The following HDLBP variants were observed in gnomAD, a reference collection of about 807,000 sequenced individuals.
HDLBP encodes high density lipoprotein binding protein, also known as vigilin.
HDLBP carries 30 observed loss-of-function variants against 137.3 expected under a neutral mutation model. That is an observed-to-expected ratio of 0.22 (90% CI 0.16 to 0.30). HDLBP has a LOEUF of 0.30. Among genes scored for constraint, HDLBP ranks in the 10% least tolerant of loss-of-function variants. HDLBP has a pLI of 1.00. For missense variants in HDLBP, 1,119 were observed against 1,667.3 expected (o/e 0.67, Z 5.73); for synonymous variants, 606 against 596.0 (o/e 1.02, Z -0.24).
intron 1 of HDLBP, among the ~76,000 whole-genome samples, chr2:241,311,570 A>C (rs2075759146): frequency 6.6e-6 from 1 of 152,218 alleles, no homozygotes; most frequent in South Asian, 2.1e-4. Flanking sequence ...TAGGAATACT[A>C]ATTTTCTTCA....
rs1005244232 is a variant in HDLBP at position 241,233,621 on chromosome 2, C to G, written c.3288+199G>C. 6.6e-5 allele frequency among the ~76,000 whole-genome samples: 10 copies of G among 152,138 alleles called. No individual in the cohort carries two copies. Among genetic ancestry groups the G allele is most frequent in the African/African-American group, 2.4e-4 (10 of 41,414 alleles). On this transcript the variant is annotated intron_variant, in intron 24 of 27. Coordinates refer to ENST00000310931, the MANE Select transcript of HDLBP (RefSeq NM_005336.6). The surrounding 1 kb of genome is among the most constrained non-coding windows in gnomAD (Gnocchi z 4.3). ...AAAATGCTCCAGGCCCCAGATGATA[C>G]ATAGTGCCAGAGACCTCACCCATCT... is the stretch of plus-strand genomic sequence containing the variant.
At chr2:241,247,302 T>C (rs1654747415) in intron 14 of HDLBP, 160 bp from the exon 15 acceptor site, 1 of 617,428 alleles carries the variant, frequency 1.6e-6, no homozygotes, top group African/African-American at 1.8e-5. Context: ...AGATCATTTG[T>C]CCAACAACTA....
intron 8 of HDLBP, 72 bp from the exon 9 acceptor site, chr2:241,255,230 A>ACCTGGGGC: frequency 6.7e-7 from 1 of 1,491,182 alleles, no homozygotes; most frequent in Admixed American, 1.7e-5. Flanking sequence ...CAGGCTGCTC[A>ACCTGGGGC]CCTGGGGCTC....
At chr2:241,291,291 C>T (rs535178465) in intron 1 of HDLBP, among the ~76,000 whole-genome samples, 5 of 152,148 alleles carry the variant, frequency 3.3e-5, no homozygotes, top group African/African-American at 4.8e-5. Flanking sequence ...AGAAACATGA[C>T]TGACTCTAGG....
Position 241,233,791 on chromosome 2 carries a change from C to T in HDLBP, c.3288+29G>A, listed in dbSNP as rs769530644. 4 of 1,613,586 alleles carry T rather than the reference C, an allele frequency of 2.5e-6. No homozygotes were observed. The highest frequency in any genetic ancestry group is 1.7e-5 in the Admixed American group (1 of 60,024). ...AGGAAAGGTCAACAAGCACCTCTGC[C>T]CCCGACACGCTCCAACCGAGGCTCT... is the stretch of plus-strand genomic sequence containing the variant. On this transcript the variant is annotated intron_variant, in intron 24 of 27. Transcript: ENST00000310931. This position sits in a 1 kb window ranked among gnomAD's most constrained non-coding sequence, Gnocchi z 4.3.
intron 1 of HDLBP, among the ~76,000 whole-genome samples, chr2:241,293,473 T>C (rs956166110): frequency 6.6e-6 from 1 of 151,622 alleles, no homozygotes; most frequent in African/African-American, 2.4e-5. Context: ...ACTCCCAGCC[T>C]GGGTGGCACG....
intron 22 of HDLBP, 93 bp from the exon 23 acceptor site, chr2:241,235,348 G>T: frequency 6.5e-7 from 1 of 1,533,600 alleles, no homozygotes; most frequent in Non-Finnish European, 8.9e-7. Flanking sequence ...GAGAGGGAAG[G>T]CCACCCGCCG....
At chr2:241,242,784 G>C in intron 16 of HDLBP, 106 bp from the exon 17 acceptor site, 1 of 980,238 alleles carries the variant, frequency 1.0e-6, no homozygotes, top group Non-Finnish European at 1.6e-6. Context: ...CGCAGGCCTA[G>C]AGCCCTGGAG....
Position 241,230,768 on chromosome 2 carries a change from G to T in HDLBP, c.3465C>A (p.Asp1155Glu). 1 of 1,614,008 alleles carries T rather than the reference G, an allele frequency of 6.2e-7. No homozygotes were observed. Among genetic ancestry groups the T allele is most frequent in the Non-Finnish European group, 8.5e-7 (1 of 1,179,980 alleles). Residue 1155 changes from aspartate to glutamate, a missense_variant, in exon 25 of 28, where the codon GAC (aspartate) becomes GAA (glutamate). Coordinates refer to ENST00000310931, the MANE Select transcript of HDLBP (RefSeq NM_005336.6). This position sits in a 1 kb window ranked among gnomAD's most constrained non-coding sequence, Gnocchi z 5.0. ...CTTCCAGCCGGCTCACCTTGAATTCGTCCATGATTTTGCGAATGGCTTTGC... is the reference window on the plus strand; with the variant it reads ...CTTCCAGCCGGCTCACCTTGAATTCTTCCATGATTTTGCGAATGGCTTTGC... ...ARGKAIRKIM[D>E]EFKVDIRFPQ...
At chr2:241,303,280 C>T (rs1021956407) in intron 1 of HDLBP, among the ~76,000 whole-genome samples, 3 of 152,176 alleles carry the variant, frequency 2.0e-5, no homozygotes, top group Admixed American at 6.5e-5. Context: ...CCAGGAGCCC[C>T]AGATGGTGCA....
At chr2:241,261,443 A>G (rs2073173677) in intron 5 of HDLBP, among the ~76,000 whole-genome samples, 1 of 152,228 alleles carries the variant, frequency 6.6e-6, no homozygotes, top group Non-Finnish European at 1.5e-5. Flanking sequence ...ATATGTATAC[A>G]TGAAAACGGG....
intron 5 of HDLBP, among the ~76,000 whole-genome samples, chr2:241,259,766 C>T (rs1019617993): frequency 6.6e-6 from 1 of 152,084 alleles, no homozygotes; most frequent in Non-Finnish European, 1.5e-5. Flanking sequence ...TGAGAGTCAC[C>T]GCCTGCTTTT....
At chr2:241,275,203 AT>A (rs2149597104) in intron 1 of HDLBP, among the ~76,000 whole-genome samples, 1 of 152,286 alleles carries the variant, frequency 6.6e-6, no homozygotes, top group South Asian at 2.1e-4. Context: ...TCAGGAAAGA[AT>A]AAACCTCATA....
At chr2:241,313,215 T>G (rs2075804626) in intron 1 of HDLBP, among the ~76,000 whole-genome samples, 1 of 152,244 alleles carries the variant, frequency 6.6e-6, no homozygotes, top group Non-Finnish European at 1.5e-5. Context: ...GTAATTACTC[T>G]TCTACAAATA....
At position 241,230,958 on chromosome 2, in the gene HDLBP, A is replaced by T. The variant is rs1207302594; in HGVS notation, c.3289-14T>A. The T allele has an allele frequency of 6.2e-7, 1 of 1,609,542 alleles. No individual in the cohort carries two copies. Among genetic ancestry groups the T allele is most frequent in the Non-Finnish European group, 8.5e-7 (1 of 1,176,020 alleles). ...TTGGTCCTGGGGCTAAAAAAGGAGA[A>T]TGTAGTCAGAAAAGGGGATGCCTTA... On this transcript the variant is annotated splice_polypyrimidine_tract_variant and intron_variant, in intron 24 of 27. Coordinates refer to ENST00000310931, the MANE Select transcript of HDLBP (RefSeq NM_005336.6). This position sits in a 1 kb window ranked among gnomAD's most constrained non-coding sequence, Gnocchi z 5.0.
In HDLBP at chr2:241,240,492, G is replaced by A. The variant is rs2071098617; in HGVS notation, c.2170-370C>T. 6.6e-6 allele frequency among the ~76,000 whole-genome samples: 1 copy of A among 151,618 alleles called. No homozygotes were observed. Among genetic ancestry groups the A allele is most frequent in the South Asian group, 2.1e-4 (1 of 4,826 alleles). The stretch of plus-strand genomic sequence containing the variant: ...TGGCGGAGTGCACGTCCTGGGGAGC[G>A]TGGGGTGTGCCCAGCAGAGCAGGAA... On this transcript the variant is annotated intron_variant, in intron 17 of 27. Transcript: ENST00000310931. The surrounding 1 kb of genome is among the most constrained non-coding windows in gnomAD (Gnocchi z 5.5).
rs779914720 is a variant in HDLBP at position 241,252,818 on chromosome 2, G to A, written c.1372+139C>T. On this transcript the variant is annotated intron_variant, in intron 11 of 27. Coordinates refer to ENST00000310931, the MANE Select transcript of HDLBP (RefSeq NM_005336.6). ...AAGTGGCCTCTTCCAGCAGGCAGGA[G>A]GATGTAAAGTCTGTAACTCCCATTA... The A allele has an allele frequency of 3.1e-5, 18 of 576,844 alleles. No individual in the cohort carries two copies. The East Asian group carries it at 4.6e-4, about 15-fold the overall frequency. The allele number at this position is 576,844 out of a possible 1,614,324, so 35.7% of individuals were successfully genotyped here.
chr2:241,238,535 A>G lies in HDLBP; in HGVS notation c.2749+114T>C. On this transcript the variant is annotated intron_variant, in intron 20 of 27. Transcript: ENST00000310931. The surrounding 1 kb of genome is among the most constrained non-coding windows in gnomAD (Gnocchi z 4.9). ...ACCTCTGGAAGCCCCCAGAATACATAGATGGTTTTCCAGCAGAGACAGGAA... is the reference window on the plus strand; with the variant it reads ...ACCTCTGGAAGCCCCCAGAATACATGGATGGTTTTCCAGCAGAGACAGGAA... 1 of 846,576 alleles carries G rather than the reference A, an allele frequency of 1.2e-6. No homozygotes were observed. The highest frequency in any genetic ancestry group is 2.8e-5 in the East Asian group (1 of 36,316). The allele number at this position is 846,576 out of a possible 1,614,324, so 52.4% of individuals were successfully genotyped here.
chr2:241,274,280 G>A (rs183091819), intron 1 of HDLBP, among the ~76,000 whole-genome samples: 5 of 152,300 alleles, frequency 3.3e-5, no homozygotes, highest in Non-Finnish European at 5.9e-5. Flanking sequence ...CAGAATCACA[G>A]AAGGCAGAGA....
Sources: allele counts gnomAD v4.1 joint callset (sites outside exome capture counted in the v4.1 genomes callset), GRCh38; gene constraint gnomAD v4.1.1; non-coding constraint Gnocchi (gnomAD v3.1); transcripts MANE v1.5; gene names NCBI Gene and HGNC (gene_info 2026-07-23, HGNC 2026-07-21).